Variants in ZNF385D observed in about 807,000 individuals in gnomAD.
The protein encoded by ZNF385D is zinc finger protein 385D, also known as zinc finger protein 659.
Under a neutral mutation model 35.8 loss-of-function variants are expected in ZNF385D, and 15 were observed. That is an observed-to-expected ratio of 0.42 (90% CI 0.28 to 0.64). ZNF385D has a LOEUF of 0.64. ZNF385D is among the 30% of genes least tolerant of loss of function. The pLI is 0.23. For missense variants in ZNF385D, 474 were observed against 494.6 expected (o/e 0.96, Z 0.39); for synonymous variants, 212 against 186.8 (o/e 1.13, Z -1.10).
rs189744605 is a variant in ZNF385D at position 22,140,526 on chromosome 3, C to G, written c.325+28291G>C. On this transcript the variant is annotated intron_variant, in intron 3 of 5. Transcript: ENST00000494108. ...GTGATAAAATTTCATAGAACTATAC[C>G]CCCCCAAAAACATGTAAAAGCTAGT... Among the ~76,000 whole-genome samples the G allele has an allele frequency of 1.0e-3, 155 of 151,860 alleles. 2 individuals carry two copies. The South Asian group carries it at 0.024, about 24-fold the overall frequency.
intron 2 of ZNF385D, among the ~76,000 whole-genome samples, chr3:21,591,503 TTACTA>T (rs2063975555): frequency 6.6e-6 from 1 of 152,186 alleles, no homozygotes; most frequent in African/African-American, 2.4e-5. Flanking sequence ...TAATGATTAA[TTACTA>T]TAATAATTAA....
chr3:21,818,876 G>T (rs34316401), intron 3 of ZNF385D, among the ~76,000 whole-genome samples: 11,777 of 151,956 alleles, frequency 0.078, 676 homozygotes, highest in East Asian at 0.3. Context: ...TAAAGATGAA[G>T]AAATGAGCAA....
rs550939317 is a variant in ZNF385D at position 21,916,510 on chromosome 3, T to A, written c.326-251482A>T. Among the ~76,000 whole-genome samples, 4 of 152,318 alleles carry A rather than the reference T, an allele frequency of 2.6e-5. No individual in the cohort carries two copies. The South Asian group carries it at 8.3e-4, about 32-fold the overall frequency. The stretch of plus-strand genomic sequence containing the variant: ...AAAGAACAACAAAAATCCACATATT[T>A]CTATACCCCAAAGTCACTATTTTAA... On this transcript the variant is annotated intron_variant, in intron 3 of 5. Coordinates refer to the ZNF385D transcript ENST00000494108.
chr3:21,446,229 A>G (rs146832214), intron 4 of ZNF385D, among the ~76,000 whole-genome samples: 167 of 152,290 alleles, frequency 1.1e-3, no homozygotes, highest in Non-Finnish European at 1.8e-3. Context: ...TTTCCGGTTT[A>G]GATTAACTGG....
chr3:21,933,435 T>C (rs1701110921), intron 3 of ZNF385D, among the ~76,000 whole-genome samples: 2 of 152,182 alleles, frequency 1.3e-5, no homozygotes, highest in Admixed American at 6.5e-5. Flanking sequence ...AGACTATTGA[T>C]GGTAATTTAA....
intron 2 of ZNF385D, among the ~76,000 whole-genome samples, chr3:22,178,106 G>A (rs1694959411): frequency 6.6e-6 from 1 of 152,142 alleles, no homozygotes; most frequent in Non-Finnish European, 1.5e-5. Context: ...ACCCAGTAAT[G>A]GGATGGCTGG....
chr3:21,772,332 A>G (rs1178657310), intron 3 of ZNF385D, among the ~76,000 whole-genome samples: 1 of 151,962 alleles, frequency 6.6e-6, no homozygotes, highest in East Asian at 1.9e-4. Flanking sequence ...CAAGTATCTG[A>G]TAACAGATTA....
intron 3 of ZNF385D, among the ~76,000 whole-genome samples, chr3:21,991,955 G>A (rs1272594026): frequency 1.3e-5 from 2 of 152,112 alleles, no homozygotes; most frequent in Non-Finnish European, 1.5e-5. Flanking sequence ...CAGACCACCT[G>A]GGCTTAAATC....
chr3:22,136,189 G>C (rs1054085905), intron 3 of ZNF385D, among the ~76,000 whole-genome samples: 1 of 152,118 alleles, frequency 6.6e-6, no homozygotes, highest in African/African-American at 2.4e-5. Flanking sequence ...TTTGAGACCA[G>C]CCTGGGAAAC....
At chr3:21,978,626 T>C (rs1205531264) in intron 3 of ZNF385D, among the ~76,000 whole-genome samples, 1 of 152,234 alleles carries the variant, frequency 6.6e-6, no homozygotes, top group Non-Finnish European at 1.5e-5. Context: ...AAAATTTCCA[T>C]ATGTGTTCTT....
chr3:21,563,192 C>G (rs929696442), intron 3 of ZNF385D: 7 of 152,144 alleles, frequency 4.6e-5, no homozygotes, highest in Non-Finnish European at 7.3e-5. Flanking sequence ...AAGGGAGCTC[C>G]TTTATCCCTT....
intron 3 of ZNF385D, among the ~76,000 whole-genome samples, chr3:21,913,801 C>G (rs1258323141): frequency 2.6e-5 from 4 of 152,048 alleles, no homozygotes. Flanking sequence ...ACCCTTTGAT[C>G]ACAATACTAA....
At chr3:21,481,961 G>T (rs1388513267) in intron 4 of ZNF385D, among the ~76,000 whole-genome samples, 1 of 152,108 alleles carries the variant, frequency 6.6e-6, no homozygotes, top group African/African-American at 2.4e-5. Flanking sequence ...CAGTGTTGCA[G>T]TTCCATCACA....
chr3:22,201,835 T>C (rs1346848447), intron 2 of ZNF385D, among the ~76,000 whole-genome samples: 1 of 151,642 alleles, frequency 6.6e-6, no homozygotes, highest in African/African-American at 2.4e-5. Flanking sequence ...ATTTAATACT[T>C]TTGACAAAGC....
chr3:22,314,048 T>A (rs1038632587), intron 2 of ZNF385D, among the ~76,000 whole-genome samples: 7 of 152,164 alleles, frequency 4.6e-5, no homozygotes, highest in Admixed American at 6.6e-5. Flanking sequence ...TTACTCTAGC[T>A]CAGTGGTTCT....
intron 2 of ZNF385D, among the ~76,000 whole-genome samples, chr3:21,653,538 AT>A (rs1467575716): frequency 1.3e-5 from 2 of 152,080 alleles, no homozygotes; most frequent in African/African-American, 4.8e-5. Flanking sequence ...CAATATATGT[AT>A]GTTTTTTCTC....
At chr3:21,606,616 C>G (rs1332704156) in intron 2 of ZNF385D, among the ~76,000 whole-genome samples, 1 of 152,204 alleles carries the variant, frequency 6.6e-6, no homozygotes, top group East Asian at 1.9e-4. Flanking sequence ...ACTCCCAGAA[C>G]AGATGACCTG....
intron 2 of ZNF385D, among the ~76,000 whole-genome samples, chr3:22,191,317 G>T (rs1015191918): frequency 6.6e-6 from 1 of 151,932 alleles, no homozygotes; most frequent in Non-Finnish European, 1.5e-5. Context: ...GAGAAACCCC[G>T]TCTCTACTGA....
intron 3 of ZNF385D, among the ~76,000 whole-genome samples, chr3:22,141,582 T>C (rs1426971856): frequency 6.6e-6 from 1 of 152,100 alleles, no homozygotes; most frequent in Non-Finnish European, 1.5e-5. Context: ...AGGGTCTCTG[T>C]GGTGGGACCC....
Sources: allele counts gnomAD v4.1 joint callset (sites outside exome capture counted in the v4.1 genomes callset), GRCh38; gene constraint gnomAD v4.1.1; transcripts MANE v1.5; gene names NCBI Gene and HGNC (gene_info 2026-07-23, HGNC 2026-07-21).